ERC1: variants seen among roughly 807,000 people sequenced by gnomAD.
The protein encoded by ERC1 is ELKS/RAB6-interacting/CAST family member 1.
Under a neutral mutation model 132.0 loss-of-function variants are expected in ERC1, and 56 were observed. That is an observed-to-expected ratio of 0.42 (90% CI 0.34 to 0.53). ERC1 has a LOEUF of 0.53. Among genes scored for constraint, ERC1 ranks in the 20% least tolerant of loss-of-function variants. The probability of loss-of-function intolerance (pLI) is 0.03; values close to 1 mark genes in which losing one functional copy is unlikely to be tolerated. For synonymous variants in ERC1, 478 were observed against 476.1 expected, an observed-to-expected ratio of 1.00 and a Z score of -0.05; for missense variants, 1,202 against 1,349.9, an observed-to-expected ratio of 0.89 and a Z score of 1.72.
intron 2 of ERC1, among the ~76,000 whole-genome samples, chr12:1,059,121 T>G (rs1973554491): frequency 6.6e-6 from 1 of 152,230 alleles, no homozygotes; most frequent in African/African-American, 2.4e-5. Context: ...GCATTCTTGG[T>G]TACTTTTTTA....
intron 1 of ERC1, chr12:991,880 A>G (rs1959472379): frequency 6.7e-6 from 1 of 149,130 alleles, no homozygotes; most frequent in Non-Finnish European, 1.5e-5. Context: ...CAAAAGGACG[A>G]TGAGCTGTGC....
intron 12 of ERC1, among the ~76,000 whole-genome samples, chr12:1,208,265 C>T (rs958495793): frequency 2.0e-5 from 3 of 152,228 alleles, no homozygotes; most frequent in African/African-American, 7.2e-5. Flanking sequence ...CCATGGCCCA[C>T]AGCCCATGGC....
chr12:1,263,217 A>G (rs778221734), intron 14 of ERC1, 52 bp downstream of exon 14: 1 of 1,580,120 alleles, frequency 6.3e-7, no homozygotes, highest in Non-Finnish European at 8.7e-7. Context: ...CCAAAAGGTA[A>G]CACACAACCA....
chr12:1,269,834 C>T (rs73595936), intron 14 of ERC1, among the ~76,000 whole-genome samples: 4,404 of 152,246 alleles, frequency 0.029, 222 homozygotes, highest in African/African-American at 0.1. Context: ...TTCCCCTTCA[C>T]GGTTCTGCAC....
chr12:1,079,237 CAA>C (rs1204028137), intron 2 of ERC1, among the ~76,000 whole-genome samples: 1 of 148,962 alleles, frequency 6.7e-6, no homozygotes, highest in Non-Finnish European at 1.5e-5. Flanking sequence ...TGTAATAAGA[CAA>C]AAGTCGATAT....
At chr12:1,258,815 A>G (rs80188161) in intron 13 of ERC1, among the ~76,000 whole-genome samples, 5,991 of 152,278 alleles carry the variant, frequency 0.039, 177 homozygotes, top group East Asian at 0.073. Flanking sequence ...AATTCATAGG[A>G]CTTTTGAATA....
intron 8 of ERC1, among the ~76,000 whole-genome samples, chr12:1,151,191 A>G (rs1950802305): frequency 6.6e-6 from 1 of 152,226 alleles, no homozygotes; most frequent in Non-Finnish European, 1.5e-5. Flanking sequence ...AGAGCTCAAA[A>G]ATAAAAAATT....
At chr12:1,179,215 C>T (rs1374030052) in intron 8 of ERC1, among the ~76,000 whole-genome samples, 1 of 152,142 alleles carries the variant, frequency 6.6e-6, no homozygotes, top group Non-Finnish European at 1.5e-5. Context: ...CTGATACAAA[C>T]TCTAATGGTT....
At chr12:1,344,325 A>T (rs191908224) in intron 15 of ERC1, among the ~76,000 whole-genome samples, 551 of 152,078 alleles carry the variant, frequency 3.6e-3, no homozygotes, top group African/African-American at 0.013. Flanking sequence ...CTGTACTTTG[A>T]GTATGCAGTA....
At chr12:1,238,516 G>A (rs1268817691) in intron 13 of ERC1, among the ~76,000 whole-genome samples, 1 of 151,970 alleles carries the variant, frequency 6.6e-6, no homozygotes, top group Non-Finnish European at 1.5e-5. Context: ...TTATTTCATT[G>A]CTCACAAACT....
chr12:1,144,943 C>G (rs1950212568), intron 8 of ERC1, among the ~76,000 whole-genome samples: 1 of 151,824 alleles, frequency 6.6e-6, no homozygotes, highest in Non-Finnish European at 1.5e-5. Context: ...CACATCCATG[C>G]AAATATCTAT....
At chr12:1,077,669 A>G (rs1354569479) in intron 2 of ERC1, among the ~76,000 whole-genome samples, 1 of 152,232 alleles carries the variant, frequency 6.6e-6, no homozygotes, top group Non-Finnish European at 1.5e-5. Flanking sequence ...TGTCGGGAAC[A>G]GACTTCCCAA....
intron 6 of ERC1, 61 bp from the exon 7 acceptor site, chr12:1,115,805 T>G (rs895499761): frequency 3.2e-5 from 44 of 1,370,296 alleles, no homozygotes; most frequent in Middle Eastern, 3.6e-4. Context: ...CTGTGAAAGA[T>G]ACAGATAAGA....
At chr12:1,238,962 T>C (rs1011034326) in intron 13 of ERC1, among the ~76,000 whole-genome samples, 3 of 152,194 alleles carry the variant, frequency 2.0e-5, no homozygotes, top group Non-Finnish European at 4.4e-5. Flanking sequence ...ATGAAAAAGA[T>C]AGCTGATGGC....
intron 15 of ERC1, among the ~76,000 whole-genome samples, chr12:1,291,266 T>C (rs1042045871): frequency 2.6e-5 from 4 of 151,990 alleles, no homozygotes; most frequent in Non-Finnish European, 4.4e-5. Flanking sequence ...TTGGAAGTAA[T>C]GTGTAAGTGA....
Position 1,104,816 on chromosome 12 carries a change from G to A in ERC1, c.1153G>A (p.Glu385Lys). The change falls in exon 4 of 19, where the codon GAG (glutamate) becomes AAG (lysine). Residue 385 changes from glutamate to lysine, a missense_variant. Glu to Lys is a moderately conservative substitution (Grantham distance 56). Coordinates refer to ENST00000360905, the MANE Select transcript of ERC1 (RefSeq NM_178040.4). ...AKTKALQTVIEMKDSKISSME... is the reference protein window; with the variant it reads ...AKTKALQTVIKMKDSKISSME... ...AACAAAAGCTCTGCAAACTGTTATT[G>A]AGATGAAGGTAAGTGAGAATCTAGT... is the stretch of plus-strand genomic sequence containing the variant. The A allele has an allele frequency of 6.2e-7, 1 of 1,609,668 alleles. No individual in the cohort carries two copies. Among genetic ancestry groups the A allele is most frequent in the Non-Finnish European group, 8.5e-7 (1 of 1,175,988 alleles).
rs754359642 is a variant in ERC1 at position 1,444,610 on chromosome 12, T to C, written c.3073T>C (p.Leu1025=). ...ELDQNRSKLK[L]YIGHLTTLCH... ...TGACCAAAATAGAAGTAAATTAAAGTTGTACATTGGACACCTGACAACCCT... is the reference window on the plus strand; with the variant it reads ...TGACCAAAATAGAAGTAAATTAAAGCTGTACATTGGACACCTGACAACCCT... The change falls in exon 18 of 19, where the codon TTG becomes CTG. Residue 1025 remains leucine, a synonymous_variant. Coordinates refer to ENST00000360905, the MANE Select transcript of ERC1 (RefSeq NM_178040.4). 4 of 1,614,006 alleles carry C rather than the reference T, an allele frequency of 2.5e-6. No homozygotes were observed. Among genetic ancestry groups the C allele is most frequent in the African/African-American group, 1.3e-5 (1 of 75,008 alleles).
rs528107406 is a variant in ERC1, at chr12:1,168,610, G to A, written c.1738-11930G>A. Among the ~76,000 whole-genome samples, 7 of 150,256 alleles carry A rather than the reference G, an allele frequency of 4.7e-5. No homozygotes were observed. In the South Asian group the frequency reaches 6.4e-4, roughly 14 times the overall value. ...AGCAATTCTCCTGCCTCAGCCTCCCGAGTAGCTGGGATTACAGGTGCCCAC... is the reference window on the plus strand; with the variant it reads ...AGCAATTCTCCTGCCTCAGCCTCCCAAGTAGCTGGGATTACAGGTGCCCAC... On this transcript the variant is annotated intron_variant, in intron 8 of 18. Coordinates refer to ENST00000360905, the MANE Select transcript of ERC1 (RefSeq NM_178040.4).
chr12:1,349,993 A>T (rs189180640), intron 15 of ERC1, among the ~76,000 whole-genome samples: 1 of 152,308 alleles, frequency 6.6e-6, no homozygotes, highest in East Asian at 1.9e-4. Context: ...CTTATTGAGG[A>T]GGGAAACCAG....
Sources: gnomAD v4.1 joint callset for allele counts (sites outside exome capture counted in the v4.1 genomes callset) on GRCh38, gnomAD v4.1.1 for gene constraint, MANE v1.5 for transcripts, NCBI Gene and HGNC (gene_info 2026-07-23, HGNC 2026-07-21) for gene names.